The following MYO1H variants were observed in gnomAD, a reference collection of about 807,000 sequenced individuals.
MYO1H encodes unconventional myosin-Ih.
In MYO1H, 118 loss-of-function variants were observed where a neutral mutation model predicts 149.3. The ratio of observed to expected loss-of-function variants is 0.79; its 90% CI spans 0.68 to 0.92. The LOEUF is 0.92. Ranked by LOEUF, MYO1H falls within the 40% of genes least tolerant of loss-of-function variation. MYO1H has a pLI of 0.00. For missense variants in MYO1H, 1,212 were observed against 1,280.7 expected, an observed-to-expected ratio of 0.95 and a Z score of 0.82; for synonymous variants, 447 against 465.2, an observed-to-expected ratio of 0.96 and a Z score of 0.50.
At chr12:109,355,303 T>A (rs1273117658) in intron 1 of MYO1H, among the ~76,000 whole-genome samples, 1 of 152,076 alleles carries the variant, frequency 6.6e-6, no homozygotes, top group Non-Finnish European at 1.5e-5. Flanking sequence ...AATCTTTAAA[T>A]TTTCCCTAGA....
At chr12:109,399,407 C>T (rs966996577) in intron 5 of MYO1H, among the ~76,000 whole-genome samples, 1 of 151,424 alleles carries the variant, frequency 6.6e-6, no homozygotes, top group African/African-American at 2.4e-5. Context: ...GCCTGGCCAA[C>T]ATGGTGAAAC....
chr12:109,334,691 C>T, the MYO1H span, among the ~76,000 whole-genome samples: 10 of 152,122 alleles, frequency 6.6e-5, no homozygotes, highest in African/African-American at 2.2e-4. Flanking sequence ...TTTCCCTCTT[C>T]TTATATTTAG....
intron 3 of MYO1H, among the ~76,000 whole-genome samples, chr12:109,395,173 C>G (rs1869836215): frequency 6.6e-6 from 1 of 152,206 alleles, no homozygotes; most frequent in African/African-American, 2.4e-5. Context: ...TAAAGCACTT[C>G]TCATAGTTTT....
intron 1 of MYO1H, among the ~76,000 whole-genome samples, chr12:109,349,497 C>CCCAAA (rs150233595): frequency 1.4e-5 from 2 of 144,512 alleles, no homozygotes; most frequent in African/African-American, 5.3e-5. Context: ...ACCCCCCCAC[C>CCCAAA]AAAAAAATTA....
the MYO1H span, among the ~76,000 whole-genome samples, chr12:109,323,123 C>T: frequency 1.3e-5 from 2 of 151,978 alleles, no homozygotes; most frequent in African/African-American, 4.8e-5. Flanking sequence ...AAAACAATAC[C>T]CATAATGAAA....
chr12:109,333,419 C>T, the MYO1H span, among the ~76,000 whole-genome samples: 5 of 152,142 alleles, frequency 3.3e-5, no homozygotes, highest in South Asian at 2.1e-4. Flanking sequence ...CCATTGCCTT[C>T]TCTTGCTTGT....
rs1871338249 is a variant in MYO1H, at chr12:109,425,966, CA to C, written c.1747del (p.Ser583ValfsTer2). On this transcript the variant is annotated frameshift_variant, in exon 18 of 32. Transcript: ENST00000310903. LOFTEE classifies it high-confidence loss of function. ...TGCAGGTGGGGACTCAGTTTAAAAA[CA>C]GTCTGAGCAGCCTTCTAGAAACCCT... 1.2e-6 allele frequency: 2 copies of C among 1,613,450 alleles called. No homozygotes were observed. The highest frequency in any genetic ancestry group is 2.7e-5 in the African/African-American group (2 of 74,908).
chr12:109,364,404 C>T (rs1868823099), intron 1 of MYO1H, among the ~76,000 whole-genome samples: 1 of 152,098 alleles, frequency 6.6e-6, no homozygotes, highest in South Asian at 2.1e-4. Context: ...ACACTGCTCA[C>T]TGCAGCCTCA....
intron 1 of MYO1H, among the ~76,000 whole-genome samples, chr12:109,350,220 G>A (rs1868436431): frequency 6.6e-6 from 1 of 152,082 alleles, no homozygotes; most frequent in African/African-American, 2.4e-5. Flanking sequence ...CATCTGGGCA[G>A]TTGCCTCTTC....
At chr12:109,312,422 A>T in the MYO1H span, among the ~76,000 whole-genome samples, 4 of 148,428 alleles carry the variant, frequency 2.7e-5, no homozygotes, top group African/African-American at 1.0e-4. Flanking sequence ...TTTTAAGTAG[A>T]GACGGGGTTT....
intron 22 of MYO1H, among the ~76,000 whole-genome samples, chr12:109,437,948 C>T (rs10774696): frequency 0.41 from 61,961 of 151,540 alleles, 12,996 homozygotes; most frequent in African/African-American, 0.48. Context: ...AAAAATTAGG[C>T]GTGGTGGTGC....
intron 1 of MYO1H, among the ~76,000 whole-genome samples, chr12:109,378,899 T>C (rs1157476646): frequency 2.0e-5 from 3 of 152,232 alleles, no homozygotes; most frequent in Non-Finnish European, 4.4e-5. Context: ...TGTAGTTTCC[T>C]TCAACAAATG....
intron 1 of MYO1H, among the ~76,000 whole-genome samples, chr12:109,386,483 A>G (rs1869316358): frequency 6.6e-6 from 1 of 152,254 alleles, no homozygotes; most frequent in African/African-American, 2.4e-5. Flanking sequence ...GTGCGAGAGA[A>G]TTCTGTCTGC....
chr12:109,363,708 G>A (rs1443573116), intron 1 of MYO1H, among the ~76,000 whole-genome samples: 11 of 151,396 alleles, frequency 7.3e-5, no homozygotes, highest in African/African-American at 9.7e-5. Flanking sequence ...GAGAAACTCC[G>A]TCTCAAAAAA....
intron 3 of MYO1H, among the ~76,000 whole-genome samples, chr12:109,395,871 GT>G (rs1249015410): frequency 3.6e-5 from 5 of 140,778 alleles, no homozygotes; most frequent in Non-Finnish European, 4.8e-5. Context: ...TCGGGTTTGG[GT>G]TTTTTTGTTT....
chr12:109,428,342 A>G (rs1259916569), intron 19 of MYO1H, among the ~76,000 whole-genome samples: 1 of 152,174 alleles, frequency 6.6e-6, no homozygotes, highest in Non-Finnish European at 1.5e-5. Context: ...CGGTGGGGAC[A>G]TGGGTTTTCA....
intron 1 of MYO1H, among the ~76,000 whole-genome samples, chr12:109,356,673 A>G (rs1389575054): frequency 6.6e-6 from 1 of 152,072 alleles, no homozygotes; most frequent in Non-Finnish European, 1.5e-5. Context: ...CCGTGGGCCA[A>G]TTTAAGGCTA....
chr12:109,378,688 T>C (rs1172300827), intron 1 of MYO1H, among the ~76,000 whole-genome samples: 1 of 152,140 alleles, frequency 6.6e-6, no homozygotes, highest in Admixed American at 6.6e-5. Flanking sequence ...CCAACACTTA[T>C]TATCTGATAT....
chr12:109,374,391 G>T (rs1284614647), intron 1 of MYO1H, among the ~76,000 whole-genome samples: 1 of 152,168 alleles, frequency 6.6e-6, no homozygotes, highest in African/African-American at 2.4e-5. Flanking sequence ...ACCTCATAGG[G>T]TTATTGAAAG....
Sources: gnomAD v4.1 joint callset for allele counts (sites outside exome capture counted in the v4.1 genomes callset) on GRCh38, gnomAD v4.1.1 for gene constraint, MANE v1.5 for transcripts, NCBI Gene and HGNC (gene_info 2026-07-23, HGNC 2026-07-21) for gene names.